Variants in TRIO observed in about 807,000 individuals in gnomAD.
The protein encoded by TRIO is trio Rho guanine nucleotide exchange factor, also known as triple functional domain protein.
A neutral mutation model predicts 351.9 loss-of-function variants in TRIO; 58 were observed. The ratio of observed to expected loss-of-function variants is 0.16; its 90% CI spans 0.13 to 0.21. TRIO has a LOEUF of 0.21. Ranked by LOEUF, TRIO falls within the 10% of genes least tolerant of loss-of-function variation. The probability of loss-of-function intolerance (pLI) is 1.00; values close to 1 mark genes in which losing one functional copy is unlikely to be tolerated. For synonymous variants in TRIO, 1,758 were observed against 1,595.7 expected (o/e 1.10, Z -2.42); for missense variants, 3,201 against 4,027.8 (o/e 0.79, Z 5.56).
At chr5:14,157,923 A>G (rs939625709) in intron 1 of TRIO, among the ~76,000 whole-genome samples, 4 of 152,172 alleles carry the variant, frequency 2.6e-5, no homozygotes, top group South Asian at 2.1e-4. Context: ...GATGACACGG[A>G]TATTACGTCG....
Position 14,406,445 on chromosome 5 carries a change from T to C in TRIO, c.4860-128T>C, listed in dbSNP as rs907509864. 4.7e-5 allele frequency: 40 copies of C among 843,318 alleles called. No individual in the cohort carries two copies. The East Asian group carries it at 7.9e-4, about 17-fold the overall frequency. 52.2% of individuals were successfully genotyped at this position (843,318 alleles called of 1,614,324 possible). A position where few individuals can be genotyped will look rare whatever the true frequency, so the allele number is the denominator to read the frequency against. On this transcript the variant is annotated intron_variant, in intron 32 of 56. Coordinates refer to ENST00000344204, the MANE Select transcript of TRIO (RefSeq NM_007118.4). ...TGCTCGGTGAAGGGTGCCTTAACCATTGTCCGCATCCTGGCAGCAGCAGGC... is the reference window on the plus strand; with the variant it reads ...TGCTCGGTGAAGGGTGCCTTAACCACTGTCCGCATCCTGGCAGCAGCAGGC...
intron 41 of TRIO, 88 bp downstream of exon 41, chr5:14,477,051 CT>C: frequency 8.5e-7 from 1 of 1,170,280 alleles, no homozygotes; most frequent in South Asian, 1.4e-5. Context: ...CTCACTTATA[CT>C]TTATGTAAGT....
intron 56 of TRIO, 30 bp downstream of exon 56, chr5:14,507,290 G>GA (rs769756346): frequency 1.2e-6 from 2 of 1,608,992 alleles, no homozygotes; most frequent in African/African-American, 2.7e-5. Context: ...GGTGAAGGGG[G>GA]GTCTGAGCAC....
chr5:14,502,943 G>A (rs1254358236), intron 54 of TRIO, among the ~76,000 whole-genome samples: 2 of 152,220 alleles, frequency 1.3e-5, no homozygotes, highest in African/African-American at 4.8e-5. Context: ...GCTCTGTGCC[G>A]TCCTTGGGAG....
intron 31 of TRIO, 57 bp from the exon 32 acceptor site, chr5:14,405,791 G>T: frequency 6.5e-7 from 1 of 1,538,968 alleles, no homozygotes; most frequent in South Asian, 1.3e-5. Context: ...GGTGTGGTTA[G>T]GGCAAGGTCT....
chr5:14,440,775 A>T (rs1374397222), intron 34 of TRIO: 1 of 152,128 alleles, frequency 6.6e-6, no homozygotes, highest in Non-Finnish European at 1.5e-5. Flanking sequence ...CTCCAGATGT[A>T]CACAAAGCCC....
At chr5:14,343,159 C>T (rs567464423) in intron 11 of TRIO, among the ~76,000 whole-genome samples, 2 of 151,678 alleles carry the variant, frequency 1.3e-5, no homozygotes, top group South Asian at 2.1e-4. Flanking sequence ...CCTCCCACAG[C>T]GGTAGCATCT....
intron 34 of TRIO, among the ~76,000 whole-genome samples, chr5:14,445,548 C>G (rs1401703043): frequency 1.3e-5 from 2 of 152,190 alleles, no homozygotes; most frequent in Non-Finnish European, 2.9e-5. Context: ...TCCAGTTTCT[C>G]AGATGCGCAG....
At chr5:14,387,673 T>C (rs771470617) in intron 22 of TRIO, 41 bp downstream of exon 22, 1 of 1,609,368 alleles carries the variant, frequency 6.2e-7, no homozygotes, top group South Asian at 1.1e-5. Flanking sequence ...ATGGTCTTCT[T>C]CCTAACGCCC....
chr5:14,225,426 T>C (rs1235548529), intron 1 of TRIO, among the ~76,000 whole-genome samples: 1 of 152,112 alleles, frequency 6.6e-6, no homozygotes, highest in Non-Finnish European at 1.5e-5. Context: ...CTGTTCAGGG[T>C]CTCACAAGGC....
intron 1 of TRIO, among the ~76,000 whole-genome samples, chr5:14,189,498 TATC>T (rs1198471300): frequency 6.6e-6 from 1 of 152,218 alleles, no homozygotes; most frequent in Non-Finnish European, 1.5e-5. Context: ...AGTTCCTTTT[TATC>T]ATAAAGTAAA....
At chr5:14,198,197 T>C (rs1040074302) in intron 1 of TRIO, among the ~76,000 whole-genome samples, 3 of 152,218 alleles carry the variant, frequency 2.0e-5, no homozygotes, top group Admixed American at 6.5e-5. Context: ...ATATAAATGA[T>C]TTCATATAGC....
chr5:14,421,015 A>G (rs1337803991), intron 34 of TRIO, among the ~76,000 whole-genome samples: 2 of 152,110 alleles, frequency 1.3e-5, no homozygotes, highest in Non-Finnish European at 2.9e-5. Flanking sequence ...GAATGTTGCT[A>G]CGTTGTACCA....
At chr5:14,199,484 G>A (rs1401057821) in intron 1 of TRIO, among the ~76,000 whole-genome samples, 1 of 152,174 alleles carries the variant, frequency 6.6e-6, no homozygotes, top group Non-Finnish European at 1.5e-5. Flanking sequence ...AAATTTTAAG[G>A]ATGTGCTGCC....
Position 14,143,832 on chromosome 5 carries a change from C to A in TRIO, c.107C>A (p.Ala36Glu). Residue 36 changes from alanine to glutamate, a missense_variant, in exon 1 of 57, where the codon GCA becomes GAA. Ala to Glu is a moderately radical substitution (Grantham distance 107). This residue lies in a region of TRIO where 109 missense variants were observed against 134.6 expected (regional missense o/e 0.81). Coordinates refer to ENST00000344204, the MANE Select transcript of TRIO (RefSeq NM_007118.4). ...TGCGGGGGCGGTGCCGGCGAGGGGG[C>A]AGAGGAGGCGGCCAAGGACCTGGCC... The part of the protein sequence containing the change: ...SGCGGGAGEG[A>E]EEAAKDLADI... 9.3e-7 allele frequency: 1 copy of A among 1,069,930 alleles called. No individual in the cohort carries two copies. Among genetic ancestry groups the A allele is most frequent in the Non-Finnish European group, 1.1e-6 (1 of 886,072 alleles). 66.3% of individuals were successfully genotyped at this position (1,069,930 alleles called of 1,614,324 possible). A position where few individuals can be genotyped will look rare whatever the true frequency, so the allele number is the denominator to read the frequency against.
At chr5:14,273,875 AT>A (rs1230579977) in intron 2 of TRIO, among the ~76,000 whole-genome samples, 2 of 152,256 alleles carry the variant, frequency 1.3e-5, no homozygotes, top group African/African-American at 4.8e-5. Flanking sequence ...ATTATGGAAC[AT>A]TTTAACATCA....
At chr5:14,308,672 TCCA>T (rs1224367167) in intron 8 of TRIO, among the ~76,000 whole-genome samples, 22 of 114,332 alleles carry the variant, frequency 1.9e-4, no homozygotes, top group Non-Finnish European at 3.0e-4. Context: ...CATCCATCCA[TCCA>T]TCCATCCATT....
intron 33 of TRIO, among the ~76,000 whole-genome samples, chr5:14,410,033 G>A (rs1265787879): frequency 6.6e-6 from 1 of 152,044 alleles, no homozygotes; most frequent in Admixed American, 6.6e-5. Context: ...CAGACCTGGC[G>A]AATTTTCTTA....
At chr5:14,287,605 G>C (rs1021321450) in intron 4 of TRIO, among the ~76,000 whole-genome samples, 3 of 152,174 alleles carry the variant, frequency 2.0e-5, no homozygotes, top group Non-Finnish European at 4.4e-5. Context: ...CCGTCTTTCA[G>C]TGGTAAAAAC....
Sources: gnomAD v4.1 joint callset for allele counts (sites outside exome capture counted in the v4.1 genomes callset) on GRCh38, gnomAD v4.1.1 for gene constraint, gnomAD v4.1.1 regional missense constraint, MANE v1.5 for transcripts, NCBI Gene and HGNC (gene_info 2026-07-23, HGNC 2026-07-21) for gene names.